Variants in NDST3 observed in about 807,000 individuals in gnomAD.
The protein encoded by NDST3 is N-deacetylase and N-sulfotransferase 3, also known as bifunctional heparan sulfate N-deacetylase/N-sulfotransferase 3.
Under a neutral mutation model 96.1 loss-of-function variants are expected in NDST3, and 58 were observed. The ratio of observed to expected loss-of-function variants is 0.60; its 90% confidence interval spans 0.49 to 0.75. NDST3 has a LOEUF of 0.75. NDST3 is among the 30% of genes least tolerant of loss of function. The pLI is 0.00. For missense variants in NDST3, 788 were observed against 1,034.2 expected, an observed-to-expected ratio of 0.76 and a Z score of 3.27; for synonymous variants, 333 against 359.7, an observed-to-expected ratio of 0.93 and a Z score of 0.84.
chr4:118,127,174 G>C (rs1732174853), intron 4 of NDST3, among the ~76,000 whole-genome samples: 1 of 151,502 alleles, frequency 6.6e-6, no homozygotes, highest in Admixed American at 6.6e-5. Flanking sequence ...TGTTTTGTTT[G>C]CTGTGTAGAA....
intron 2 of NDST3, among the ~76,000 whole-genome samples, chr4:118,066,218 A>AATATATTATATATATTATATATTAT (rs1726375357): frequency 1.6e-5 from 1 of 62,858 alleles, no homozygotes; most frequent in Admixed American, 3.0e-4. Context: ...TATTATACAT[A>AATATATTATATATATTATATATTAT]ATATATTATA....
intron 2 of NDST3, among the ~76,000 whole-genome samples, chr4:118,100,372 A>AAT (rs1015665475): frequency 6.6e-6 from 1 of 152,004 alleles, no homozygotes; most frequent in African/African-American, 2.4e-5. Flanking sequence ...ACTGAATTAT[A>AAT]TCACCAGCTT....
intron 10 of NDST3, among the ~76,000 whole-genome samples, chr4:118,238,167 GAAAGAAAGAAA>G (rs1740783091): frequency 3.0e-5 from 1 of 33,476 alleles, no homozygotes; most frequent in African/African-American, 1.4e-4. Flanking sequence ...AAGAAAGAAA[GAAAGAAAGAAA>G]GAAAGAAAGA....
At chr4:118,090,966 G>A (rs1420521784) in intron 2 of NDST3, among the ~76,000 whole-genome samples, 2 of 151,186 alleles carry the variant, frequency 1.3e-5, no homozygotes, top group Non-Finnish European at 3.0e-5. Context: ...TGCTTTTTTC[G>A]TTTTATGCCT....
chr4:118,256,989 C>T lies in NDST3; in HGVS notation c.*1277C>T, dbSNP rs961323969. ...GATCATAGGTACAATTAAGGATTAG[C>T]TACTAAATTAAATGCAGGAAGTACA... On this transcript the variant is annotated 3_prime_UTR_variant, in exon 14 of 14. Transcript: ENST00000296499. The T allele has an allele frequency of 6.6e-6, 1 of 152,042 alleles. No individual in the cohort carries two copies. The highest frequency in any genetic ancestry group is 1.5e-5 in the Non-Finnish European group (1 of 68,006). The allele number at this position is 152,042 out of a possible 1,614,324, so 9.4% of individuals were successfully genotyped here.
chr4:118,226,753 AT>A (rs1206061225), intron 7 of NDST3, 132 bp from the exon 8 acceptor site: 4 of 638,266 alleles, frequency 6.3e-6, no homozygotes, highest in Non-Finnish European at 1.1e-5. Flanking sequence ...CAGGGCTTTC[AT>A]TTTTTTAAAA....
At chr4:118,097,427 A>C (rs76490151) in intron 2 of NDST3, among the ~76,000 whole-genome samples, 2 of 151,990 alleles carry the variant, frequency 1.3e-5, no homozygotes. Flanking sequence ...AAAACAACTC[A>C]TAAATAAATA....
intron 6 of NDST3, among the ~76,000 whole-genome samples, chr4:118,151,976 T>C (rs1370954139): frequency 1.3e-5 from 2 of 152,174 alleles, no homozygotes; most frequent in Non-Finnish European, 2.9e-5. Flanking sequence ...ACGCTTGTGG[T>C]TGTAGAGAAT....
chr4:118,163,618 G>T (rs1735347873), intron 6 of NDST3, among the ~76,000 whole-genome samples: 2 of 152,060 alleles, frequency 1.3e-5, no homozygotes, highest in Admixed American at 1.3e-4. Flanking sequence ...GGGGGAGAGG[G>T]GAGGGATAGC....
chr4:118,192,779 C>A (rs1320788045), intron 6 of NDST3, among the ~76,000 whole-genome samples: 3 of 151,886 alleles, frequency 2.0e-5, no homozygotes, highest in Middle Eastern at 3.4e-3. Flanking sequence ...CAAGCCTGGA[C>A]CTTCATCAAC....
At chr4:118,229,581 A>C (rs1294669210) in intron 8 of NDST3, among the ~76,000 whole-genome samples, 2 of 152,226 alleles carry the variant, frequency 1.3e-5, no homozygotes, top group African/African-American at 4.8e-5. Flanking sequence ...TTTACTGACT[A>C]TGCAAAATAA....
intron 2 of NDST3, among the ~76,000 whole-genome samples, chr4:118,058,671 T>C (rs890201422): frequency 1.2e-4 from 18 of 150,608 alleles, no homozygotes; most frequent in South Asian, 2.1e-4. Flanking sequence ...ACGTGTTCCA[T>C]TGGACTATTG....
intron 7 of NDST3, among the ~76,000 whole-genome samples, chr4:118,225,785 C>G (rs1301005517): frequency 6.6e-6 from 1 of 152,176 alleles, no homozygotes; most frequent in Non-Finnish European, 1.5e-5. Flanking sequence ...AGAGACATAA[C>G]TGCATATTTA....
intron 2 of NDST3, among the ~76,000 whole-genome samples, chr4:118,098,853 G>A (rs1471843598): frequency 1.3e-5 from 2 of 152,052 alleles, no homozygotes; most frequent in Non-Finnish European, 2.9e-5. Context: ...CCTGTTTAGT[G>A]CTGATTAACT....
chr4:118,100,660 A>G (rs1472060288), intron 2 of NDST3, among the ~76,000 whole-genome samples: 1 of 152,128 alleles, frequency 6.6e-6, no homozygotes, highest in Non-Finnish European at 1.5e-5. Context: ...TGCCAGTGAT[A>G]AGAGGGTTCA....
At chr4:118,193,705 C>G in intron 6 of NDST3, 2 of 1,318,640 alleles carry the variant, frequency 1.5e-6, no homozygotes, top group Non-Finnish European at 2.2e-6. Context: ...GGGCCTCTCC[C>G]CAATGGAAGA....
chr4:118,123,478 C>A (rs1731775765), intron 4 of NDST3, among the ~76,000 whole-genome samples: 1 of 152,108 alleles, frequency 6.6e-6, no homozygotes, highest in African/African-American at 2.4e-5. Flanking sequence ...ACTTTCAATT[C>A]CTCCATTATG....
At chr4:118,173,127 C>CAT (rs886324000) in intron 6 of NDST3, among the ~76,000 whole-genome samples, 3 of 106,280 alleles carry the variant, frequency 2.8e-5, no homozygotes, top group African/African-American at 9.3e-5. Context: ...CTCTATGAGG[C>CAT]ATATATATGT....
intron 10 of NDST3, among the ~76,000 whole-genome samples, chr4:118,238,195 GAAAGAAAGAAAGA>G (rs1740794664): frequency 6.9e-6 from 1 of 144,454 alleles, no homozygotes; most frequent in Non-Finnish European, 1.5e-5. Context: ...AAGAAAGAAA[GAAAGAAAGAAAGA>G]AAGAAAGAAA....
Sources: allele counts gnomAD v4.1 joint callset (sites outside exome capture counted in the v4.1 genomes callset), GRCh38; gene constraint gnomAD v4.1.1; transcripts MANE v1.5; gene names NCBI Gene and HGNC (gene_info 2026-07-23, HGNC 2026-07-21).